Variants in ZDHHC18 observed in about 807,000 individuals in gnomAD.
ZDHHC18 encodes zDHHC palmitoyltransferase 18.
In ZDHHC18, 23 loss-of-function variants were observed where a neutral mutation model predicts 37.5. The ratio of observed to expected loss-of-function variants is 0.61; its 90% CI spans 0.44 to 0.87. The LOEUF (loss-of-function observed/expected upper bound fraction) is 0.87, where lower values mean the gene tolerates loss of function less well. Among genes scored for constraint, ZDHHC18 ranks in the 40% least tolerant of loss-of-function variants. ZDHHC18 has a pLI of 0.00. For missense variants in ZDHHC18, 406 were observed against 525.6 expected (o/e 0.77, Z 2.22); for synonymous variants, 185 against 218.7 (o/e 0.85, Z 1.36).
Position 26,850,712 on chromosome 1 carries a change from A to T in ZDHHC18, c.833+106A>T. The T allele has an allele frequency of 2.3e-6, 3 of 1,305,372 alleles. No individual in the cohort carries two copies. Among genetic ancestry groups the T allele is most frequent in the Non-Finnish European group, 3.2e-6 (3 of 924,752 alleles). The allele number at this position is 1,305,372 out of a possible 1,614,324, so 80.9% of individuals were successfully genotyped here. On this transcript the variant is annotated intron_variant, in intron 5 of 7. Coordinates refer to ENST00000374142, the MANE Select transcript of ZDHHC18 (RefSeq NM_032283.3). The surrounding 1 kb of genome is among the most constrained non-coding windows in gnomAD (Gnocchi z 6.1). ...CAGAAGGGAACAGCGTACAGCTCAC[A>T]TGTGTCCTCCAGAATCCAACATGCC...
Position 26,850,735 on chromosome 1 carries a change from GC to G in ZDHHC18, c.833+131del. ...ACATGTGTCCTCCAGAATCCAACATGCCAGCTCTTCTGTTCACACCCAGGCA... is the reference window on the plus strand; with the variant it reads ...ACATGTGTCCTCCAGAATCCAACATGCAGCTCTTCTGTTCACACCCAGGCA... On this transcript the variant is annotated intron_variant, in intron 5 of 7. Transcript: ENST00000374142. The surrounding 1 kb of genome is among the most constrained non-coding windows in gnomAD (Gnocchi z 6.1). The G allele has an allele frequency of 8.9e-7, 1 of 1,129,828 alleles. No individual in the cohort carries two copies. The highest frequency in any genetic ancestry group is 1.3e-6 in the Non-Finnish European group (1 of 779,692). 70.0% of individuals were successfully genotyped at this position (1,129,828 alleles called of 1,614,324 possible). A position where few individuals can be genotyped will look rare whatever the true frequency, so the allele number is the denominator to read the frequency against.
intron 2 of ZDHHC18, among the ~76,000 whole-genome samples, chr1:26,836,741 C>T (rs1296091516): frequency 2.0e-5 from 3 of 148,910 alleles, no homozygotes; most frequent in Non-Finnish European, 4.5e-5. Context: ...GCTAATTTTT[C>T]GTATTTTTAG....
rs566478617 is a variant in ZDHHC18 at position 26,854,920 on chromosome 1, C to T, written c.*1077C>T. On this transcript the variant is annotated 3_prime_UTR_variant, in exon 8 of 8. Transcript: ENST00000374142. This position sits in a 1 kb window ranked among gnomAD's most constrained non-coding sequence, Gnocchi z 4.6. ...CCATATCCCCTGGGCTGCCCCCTGCCCCATCCCCTTTGAGTGTCAGAAGCA... is the reference window on the plus strand; with the variant it reads ...CCATATCCCCTGGGCTGCCCCCTGCTCCATCCCCTTTGAGTGTCAGAAGCA... The T allele has an allele frequency of 6.6e-6, 1 of 152,490 alleles. No homozygotes were observed. Among genetic ancestry groups the T allele is most frequent in the African/African-American group, 2.4e-5 (1 of 41,574 alleles). 9.4% of individuals were successfully genotyped at this position (152,490 alleles called of 1,614,324 possible).
chr1:26,846,708 A>G (rs1227457830), intron 2 of ZDHHC18, among the ~76,000 whole-genome samples: 1 of 152,062 alleles, frequency 6.6e-6, no homozygotes, highest in Non-Finnish European at 1.5e-5. Flanking sequence ...CACCATCTAG[A>G]TTGAATAGTA....
Position 26,855,924 on chromosome 1 carries a change from T to G in ZDHHC18, c.*2081T>G. 3.9e-6 allele frequency: 1 copy of G among 255,918 alleles called. No homozygotes were observed. Among genetic ancestry groups the G allele is most frequent in the South Asian group, 3.6e-5 (1 of 28,042 alleles). 15.9% of individuals were successfully genotyped at this position (255,918 alleles called of 1,614,324 possible). A position where few individuals can be genotyped will look rare whatever the true frequency, so the allele number is the denominator to read the frequency against. ...AGAGAGGGCTGCGGCTGAGCCCCCA[T>G]GGGCACGTGAAAAGAGGCCATCCTG... On this transcript the variant is annotated 3_prime_UTR_variant, in exon 8 of 8. Transcript: ENST00000374142.
At chr1:26,832,414 T>C (rs779186135) in intron 1 of ZDHHC18, 33 bp from the exon 2 acceptor site, 1 of 1,611,758 alleles carries the variant, frequency 6.2e-7, no homozygotes, top group African/African-American at 1.3e-5. Context: ...GCCCTTGGGG[T>C]GTCTGCTGAT....
intron 2 of ZDHHC18, among the ~76,000 whole-genome samples, chr1:26,841,254 C>G (rs140231519): frequency 6.6e-6 from 1 of 152,298 alleles, no homozygotes; most frequent in Non-Finnish European, 1.5e-5. Context: ...GTTGGGATTA[C>G]AGGTGTAAGC....
chr1:26,840,996 G>A (rs1475532637), intron 2 of ZDHHC18, among the ~76,000 whole-genome samples: 1 of 146,722 alleles, frequency 6.8e-6, no homozygotes, highest in Non-Finnish European at 1.5e-5. Flanking sequence ...GGGAGGGGGG[G>A]ACAGAGTTTT....
At chr1:26,827,743 G>A (rs1477941771) in intron 1 of ZDHHC18, among the ~76,000 whole-genome samples, 1 of 151,964 alleles carries the variant, frequency 6.6e-6, no homozygotes, top group Non-Finnish European at 1.5e-5. Context: ...CCTCAGCCAC[G>A]CACACCCTAG....
At chr1:26,842,151 G>A (rs2311425) in intron 2 of ZDHHC18, among the ~76,000 whole-genome samples, 1,779 of 143,778 alleles carry the variant, frequency 0.012, 39 homozygotes, top group African/African-American at 0.042. Flanking sequence ...AAAAAAAAAA[G>A]AGAGAGAGAG....
rs532279416 is a variant in ZDHHC18 at position 26,845,305 on chromosome 1, GGT to G, written c.497-3302_497-3301del. Among the ~76,000 whole-genome samples the G allele has an allele frequency of 1.1e-4, 14 of 130,678 alleles. No individual in the cohort carries two copies. The South Asian group carries it at 3.4e-3, about 32-fold the overall frequency. The allele number at this position is 130,678 out of a possible 152,430, so 85.7% of individuals were successfully genotyped here. A position where few individuals can be genotyped will look rare whatever the true frequency, so the allele number is the denominator to read the frequency against. ...TGTAATTATCCATTCCTGCTCTAAA[GGT>G]TACTTCTTCATTCTTTTTTTTTTTT... On this transcript the variant is annotated intron_variant, in intron 2 of 7. Transcript: ENST00000374142.
At position 26,828,926 on chromosome 1, in the gene ZDHHC18, C is replaced by G. The variant is rs563044357; in HGVS notation, c.335+1787C>G. Among the ~76,000 whole-genome samples, 19 of 152,246 alleles carry G rather than the reference C, an allele frequency of 1.2e-4. No homozygotes were observed. In the East Asian group the frequency reaches 3.5e-3, roughly 28 times the overall value. ...GGAAGCAGTACTTGCCGTGGTTGAC[C>G]CACATGACCCTGCAGTGTGATATCT... On this transcript the variant is annotated intron_variant, in intron 1 of 7. Transcript: ENST00000374142.
At chr1:26,846,290 G>GTGTGTGTGTGTGTGTA (rs1176068068) in intron 2 of ZDHHC18, among the ~76,000 whole-genome samples, 2 of 47,858 alleles carry the variant, frequency 4.2e-5, no homozygotes, top group African/African-American at 1.8e-4. Context: ...GTGTGTGTGT[G>GTGTGTGTGTGTGTGTA]TATATATATA....
At chr1:26,827,166 T>TCCCCCCC in intron 1 of ZDHHC18, 27 bp downstream of exon 1, 2 of 1,199,266 alleles carry the variant, frequency 1.7e-6, no homozygotes. Context: ...CGGCGCCCCC[T>TCCCCCCC]CCCAGCCCCC....
intron 3 of ZDHHC18, among the ~76,000 whole-genome samples, chr1:26,849,704 G>A (rs1016790820): frequency 6.6e-6 from 1 of 152,252 alleles, no homozygotes; most frequent in South Asian, 2.1e-4. Flanking sequence ...TGTGATGCTG[G>A]CTGGCTGTGA....
intron 2 of ZDHHC18, among the ~76,000 whole-genome samples, chr1:26,846,348 G>T (rs1234266575): frequency 2.8e-5 from 2 of 70,756 alleles, no homozygotes; most frequent in Non-Finnish European, 5.2e-5. Context: ...TTTTTTTGAG[G>T]CAGAGTCTCG....
rs1383153790 is a variant in ZDHHC18, at chr1:26,854,537, T to TGGTC, written c.*695_*698dup. The TGGTC allele has an allele frequency of 6.6e-6, 1 of 152,546 alleles. No individual in the cohort carries two copies. The highest frequency in any genetic ancestry group is 6.6e-5 in the Admixed American group (1 of 15,258). 9.4% of individuals were successfully genotyped at this position (152,546 alleles called of 1,614,324 possible). A position where few individuals can be genotyped will look rare whatever the true frequency, so the allele number is the denominator to read the frequency against. ...GGGCAGCACAGTGGAAGTGGGAGCC[T>TGGTC]GGTCCTTCCCCTGCCCATGGAGAGC... On this transcript the variant is annotated 3_prime_UTR_variant, in exon 8 of 8. Coordinates refer to ENST00000374142, the MANE Select transcript of ZDHHC18 (RefSeq NM_032283.3). The surrounding 1 kb of genome is among the most constrained non-coding windows in gnomAD (Gnocchi z 4.6).
Position 26,850,361 on chromosome 1 carries a change from T to C in ZDHHC18, c.707T>C (p.Phe236Ser). The C allele has an allele frequency of 6.2e-7, 1 of 1,614,248 alleles. No individual in the cohort carries two copies. Among genetic ancestry groups the C allele is most frequent in the Non-Finnish European group, 8.5e-7 (1 of 1,180,048 alleles). Reference protein sequence around the residue: ...GNCVGRRNYRFFYAFILSLSF... With the variant: ...GNCVGRRNYRSFYAFILSLSF... Reference sequence around the variant, plus strand: ...TGTGTGGGGAGACGGAACTATCGCTTCTTCTACGCGTTTATTCTCTCCCTC... The same window carrying C: ...TGTGTGGGGAGACGGAACTATCGCTCCTTCTACGCGTTTATTCTCTCCCTC... The change falls in exon 4 of 8, where the codon TTC becomes TCC. Residue 236 changes from phenylalanine to serine, a missense_variant. Phe to Ser is a radical substitution (Grantham distance 155, BLOSUM62 -2). Transcript: ENST00000374142. The surrounding 1 kb of genome is among the most constrained non-coding windows in gnomAD (Gnocchi z 6.1).
chr1:26,856,150 A>G lies in ZDHHC18; in HGVS notation c.*2307A>G, dbSNP rs2081733273. The stretch of plus-strand genomic sequence containing the variant: ...GCACCAGGGCCCAGCCAGACAACTC[A>G]TAACACTGGCCCACCTCTCTGGTAT... On this transcript the variant is annotated 3_prime_UTR_variant, in exon 8 of 8. Transcript: ENST00000374142. This position sits in a 1 kb window ranked among gnomAD's most constrained non-coding sequence, Gnocchi z 5.2. The G allele has an allele frequency of 4.5e-6, 2 of 448,330 alleles. No homozygotes were observed. Among genetic ancestry groups the G allele is most frequent in the Non-Finnish European group, 9.1e-6 (2 of 220,402 alleles). 27.8% of individuals were successfully genotyped at this position (448,330 alleles called of 1,614,324 possible).
Sources: gnomAD v4.1 joint callset for allele counts (sites outside exome capture counted in the v4.1 genomes callset) on GRCh38, gnomAD v4.1.1 for gene constraint, Gnocchi (gnomAD v3.1) non-coding constraint, MANE v1.5 for transcripts, NCBI Gene and HGNC (gene_info 2026-07-23, HGNC 2026-07-21) for gene names.